The following ADRA1B variants were observed in gnomAD, a reference collection of about 807,000 sequenced individuals.
The protein encoded by ADRA1B is adrenoceptor alpha 1B.
A neutral mutation model predicts 17.9 loss-of-function variants in ADRA1B; 17 were observed. The ratio of observed to expected loss-of-function variants is 0.95; its 90% CI spans 0.65 to 1.42. The LOEUF (loss-of-function observed/expected upper bound fraction) is 1.42, where lower values mean the gene tolerates loss of function less well. ADRA1B is among the 40% of genes most tolerant of loss of function. The pLI, the probability that ADRA1B is intolerant of heterozygous loss-of-function variation, is 0.00. For synonymous variants in ADRA1B, 366 were observed against 327.6 expected (o/e 1.12, Z -1.27); for missense variants, 681 against 722.1 (o/e 0.94, Z 0.65).
chr5:159,926,814 G>A (rs1328423771), intron 1 of ADRA1B, among the ~76,000 whole-genome samples: 1 of 152,120 alleles, frequency 6.6e-6, no homozygotes, highest in East Asian at 1.9e-4. Flanking sequence ...TTGAACCTGG[G>A]AGGTGGAGGT....
chr5:159,902,196 G>A (rs999164997), intron 1 of ADRA1B, among the ~76,000 whole-genome samples: 1 of 152,166 alleles, frequency 6.6e-6, no homozygotes, highest in African/African-American at 2.4e-5. Context: ...GCTACAACAT[G>A]GATGAACCTT....
intron 1 of ADRA1B, among the ~76,000 whole-genome samples, chr5:159,875,834 C>G (rs1214042054): frequency 6.6e-6 from 1 of 152,134 alleles, no homozygotes; most frequent in Non-Finnish European, 1.5e-5. Flanking sequence ...AAGAGGTTTC[C>G]CTGATATATT....
At chr5:159,870,859 G>C (rs1753729755) in intron 1 of ADRA1B, 1 of 152,334 alleles carries the variant, frequency 6.6e-6, no homozygotes, top group African/African-American at 2.4e-5. Context: ...TGTCTCTCAA[G>C]AAATCCAATA....
intron 1 of ADRA1B, among the ~76,000 whole-genome samples, chr5:159,939,272 AGAGAGAGTGTGTGT>A (rs1192119247): frequency 5.2e-5 from 4 of 76,346 alleles, no homozygotes; most frequent in Admixed American, 1.6e-4. Flanking sequence ...AGAGAGAGAG[AGAGAGAGTGTGTGT>A]GTGTGTGTGT....
Position 159,917,803 on chromosome 5 carries a change from G to T in ADRA1B, c.898G>T (p.Val300Phe). ...KKAAKTLGIV[V>F]GMFILCWLPF... is the part of the protein sequence containing the mutation. ...AGCAGCTAAGACGTTGGGCATTGTG[G>T]TCGGTATGTTCATCTTGTGCTGGCT... The change falls in exon 1 of 2, where the codon GTC becomes TTC. Residue 300 changes from valine to phenylalanine, a missense_variant. Val to Phe is a conservative substitution (Grantham distance 50). This residue lies in a region of ADRA1B where 424 missense variants were observed against 480.2 expected (regional missense o/e 0.88). Coordinates refer to ENST00000306675, the MANE Select transcript of ADRA1B (RefSeq NM_000679.4). 1.9e-6 allele frequency: 3 copies of T among 1,613,392 alleles called. No homozygotes were observed. Among genetic ancestry groups the T allele is most frequent in the Non-Finnish European group, 2.5e-6 (3 of 1,179,914 alleles).
intron 1 of ADRA1B, among the ~76,000 whole-genome samples, chr5:159,901,377 AAGGAGGAGG>A (rs1203694374): frequency 8.1e-6 from 1 of 122,786 alleles, no homozygotes; most frequent in Non-Finnish European, 1.7e-5. Flanking sequence ...CAAGAAGAGG[AAGGAGGAGG>A]AGGAGGAGGA....
intron 1 of ADRA1B, among the ~76,000 whole-genome samples, chr5:159,877,953 C>T (rs574322211): frequency 3.3e-5 from 5 of 152,198 alleles, no homozygotes; most frequent in Non-Finnish European, 5.9e-5. Context: ...CTCTCCCGAG[C>T]CTTACTTCCT....
chr5:159,919,895 A>G (rs1754430236), intron 1 of ADRA1B, among the ~76,000 whole-genome samples: 1 of 152,212 alleles, frequency 6.6e-6, no homozygotes, highest in African/African-American at 2.4e-5. Context: ...GATCAGGAGC[A>G]ACAGAGTTCC....
intron 1 of ADRA1B, among the ~76,000 whole-genome samples, chr5:159,883,546 C>T (rs1753885861): frequency 6.6e-6 from 1 of 152,182 alleles, no homozygotes; most frequent in Non-Finnish European, 1.5e-5. Flanking sequence ...ACATGTTCCC[C>T]ACTGGTTCTC....
chr5:159,895,689 C>T (rs1029098417), intron 1 of ADRA1B, among the ~76,000 whole-genome samples: 1 of 152,220 alleles, frequency 6.6e-6, no homozygotes, highest in African/African-American at 2.4e-5. Context: ...AAAGATCATT[C>T]CCATCCTCCC....
intron 1 of ADRA1B, among the ~76,000 whole-genome samples, chr5:159,943,387 C>T (rs1463798777): frequency 6.6e-6 from 1 of 152,094 alleles, no homozygotes; most frequent in Non-Finnish European, 1.5e-5. Flanking sequence ...GAGAAACAAA[C>T]TTACCTCTTA....
chr5:159,919,921 A>G (rs1333128837), intron 1 of ADRA1B, among the ~76,000 whole-genome samples: 3 of 152,340 alleles, frequency 2.0e-5, no homozygotes, highest in South Asian at 4.1e-4. Context: ...GAGCTTTGCC[A>G]TCAATTAGCT....
chr5:159,921,427 A>G (rs6861697), intron 1 of ADRA1B, among the ~76,000 whole-genome samples: 2,168 of 152,332 alleles, frequency 0.014, 53 homozygotes, highest in African/African-American at 0.05. Context: ...GCCCAGCATT[A>G]AAATGAAGGC....
rs1754319617 is a variant in ADRA1B, at chr5:159,916,715, G to C, written c.-191G>C. ...CCTCCTCCTCCTCCCTCTGACAGGC[G>C]AGCGAGCGACTCGGTGCAGGCAGGA... On this transcript the variant is annotated 5_prime_UTR_variant, in exon 1 of 2. Coordinates refer to ENST00000306675, the MANE Select transcript of ADRA1B (RefSeq NM_000679.4). The C allele has an allele frequency of 3.5e-6, 2 of 576,124 alleles. No individual in the cohort carries two copies. Among genetic ancestry groups the C allele is most frequent in the East Asian group, 2.9e-5 (1 of 34,520 alleles). The allele number at this position is 576,124 out of a possible 1,614,324, so 35.7% of individuals were successfully genotyped here.
chr5:159,888,990 C>T (rs1211478938), intron 1 of ADRA1B, among the ~76,000 whole-genome samples: 19 of 152,220 alleles, frequency 1.2e-4, no homozygotes, highest in Admixed American at 1.2e-3. Flanking sequence ...CTCATCCAAG[C>T]TCCAAGCTAG....
At chr5:159,884,058 A>G (rs1581019449) in intron 1 of ADRA1B, among the ~76,000 whole-genome samples, 1 of 152,254 alleles carries the variant, frequency 6.6e-6, no homozygotes. Flanking sequence ...GGTCTGTGGC[A>G]TCGTCTCCAC....
chr5:159,896,245 T>G (rs1754038951), intron 1 of ADRA1B, among the ~76,000 whole-genome samples: 1 of 152,190 alleles, frequency 6.6e-6, no homozygotes, highest in Non-Finnish European at 1.5e-5. Context: ...AAATGGGACC[T>G]CCTTCTGTTA....
intron 1 of ADRA1B, 140 bp downstream of exon 1, chr5:159,917,994 T>G (rs1252814671): frequency 1.8e-5 from 15 of 831,696 alleles, no homozygotes; most frequent in Non-Finnish European, 2.4e-5. Flanking sequence ...TTGTTTGTTC[T>G]GCAAAGGGTT....
chr5:159,951,102 C>T, intron 1 of ADRA1B: 2 of 739,888 alleles, frequency 2.7e-6, no homozygotes, highest in South Asian at 2.7e-5. Context: ...TGGTTCATGC[C>T]CATCACGAAC....
Sources: allele counts gnomAD v4.1 joint callset (sites outside exome capture counted in the v4.1 genomes callset), GRCh38; gene constraint gnomAD v4.1.1; regional missense constraint gnomAD v4.1.1; transcripts MANE v1.5; gene names NCBI Gene and HGNC (gene_info 2026-07-23, HGNC 2026-07-21).